EPAS1: variants seen among roughly 807,000 people sequenced by gnomAD.
EPAS1 encodes endothelial PAS domain-containing protein 1.
In EPAS1, 23 loss-of-function variants were observed where a neutral mutation model predicts 87.9. That is an observed-to-expected ratio of 0.26 (90% CI 0.19 to 0.37). The LOEUF (loss-of-function observed/expected upper bound fraction) is 0.37. Ranked by LOEUF, EPAS1 falls within the 10% of genes least tolerant of loss-of-function variation. EPAS1 has a pLI of 1.00. For missense variants in EPAS1, 1,138 were observed against 1,120.7 expected (o/e 1.02, Z -0.22); for synonymous variants, 508 against 444.3 (o/e 1.14, Z -1.80).
intron 1 of EPAS1, among the ~76,000 whole-genome samples, chr2:46,317,476 G>A (rs574233592): frequency 6.6e-6 from 1 of 152,256 alleles, no homozygotes; most frequent in South Asian, 2.1e-4. Flanking sequence ...TTGACAACGA[G>A]CACATAAACA....
chr2:46,329,674 T>G (rs1015699329), intron 1 of EPAS1, among the ~76,000 whole-genome samples: 5 of 152,024 alleles, frequency 3.3e-5, no homozygotes, highest in African/African-American at 9.7e-5. Flanking sequence ...ATACACAATT[T>G]AGCCAGGTGC....
At chr2:46,331,104 A>G (rs192421866) in intron 1 of EPAS1, among the ~76,000 whole-genome samples, 6 of 152,268 alleles carry the variant, frequency 3.9e-5, no homozygotes, top group African/African-American at 1.4e-4. Flanking sequence ...TAAGGCAGGC[A>G]CTCATAGACG....
At chr2:46,340,203 A>G (rs888661629) in intron 1 of EPAS1, among the ~76,000 whole-genome samples, 1 of 151,972 alleles carries the variant, frequency 6.6e-6, no homozygotes, top group African/African-American at 2.4e-5. Flanking sequence ...GCTCTTTTCT[A>G]CAAGGCTGCC....
At position 46,384,647 on chromosome 2, in the gene EPAS1, A is replaced by T. The variant is rs565332983; in HGVS notation, c.2600A>T (p.Asp867Val). Reference sequence around the variant, plus strand: ...GGAGGGGACCTCCTCAGAGCCCTGGACCAGGCCACCTGAGCCAGGCCTTCT... The same window carrying T: ...GGAGGGGACCTCCTCAGAGCCCTGGTCCAGGCCACCTGAGCCAGGCCTTCT... ...LQGGDLLRAL[D>V]QAT Residue 867 changes from aspartate (D) to valine (V), a missense_variant, in exon 16 of 16, where the codon GAC becomes GTC. Asp to Val is a radical substitution (Grantham distance 152). Around this residue, in one of 4 missense-constraint regions of EPAS1, gnomAD observed 502 missense variants for 427.1 expected, o/e 1.18. Coordinates refer to ENST00000263734, the MANE Select transcript of EPAS1 (RefSeq NM_001430.5). 6.2e-7 allele frequency: 1 copy of T among 1,613,772 alleles called. No individual in the cohort carries two copies. Among genetic ancestry groups the T allele is most frequent in the South Asian group, 1.1e-5 (1 of 91,078 alleles).
Position 46,377,925 on chromosome 2 carries a change from T to C in EPAS1, c.1281T>C (p.Tyr427=), listed in dbSNP as rs947956425. The change falls in exon 10 of 16, where the codon TAT becomes TAC. Residue 427 remains tyrosine, a synonymous_variant. Coordinates refer to ENST00000263734, the MANE Select transcript of EPAS1 (RefSeq NM_001430.5). ...GNQNFEESSA[Y]GKAILPPSQP... ...AGAACTTCGAGGAGTCCTCAGCCTA[T>C]GGCAAGGCCATCCTGCCCCCGAGCC... is the stretch of plus-strand genomic sequence containing the variant. 2.3e-5 allele frequency: 36 copies of C among 1,554,422 alleles called. No individual in the cohort carries two copies. Among genetic ancestry groups the C allele is most frequent in the Non-Finnish European group, 2.9e-5 (33 of 1,148,474 alleles).
At chr2:46,318,545 C>A (rs1403333155) in intron 1 of EPAS1, among the ~76,000 whole-genome samples, 3 of 152,162 alleles carry the variant, frequency 2.0e-5, no homozygotes, top group African/African-American at 7.2e-5. Flanking sequence ...GTTTCTTAAC[C>A]ATTTAACACG....
At chr2:46,361,278 G>T (rs906874059) in intron 6 of EPAS1, among the ~76,000 whole-genome samples, 188 bp downstream of exon 6, 8 of 152,140 alleles carry the variant, frequency 5.3e-5, no homozygotes, top group Admixed American at 2.0e-4. Flanking sequence ...GTATTTGGTG[G>T]TCTCCCATTG....
intron 1 of EPAS1, among the ~76,000 whole-genome samples, chr2:46,312,063 C>T (rs932454181): frequency 6.6e-6 from 1 of 152,180 alleles, no homozygotes; most frequent in African/African-American, 2.4e-5. Flanking sequence ...TGAGTTAGAT[C>T]TTCAGGGCCA....
At chr2:46,325,794 T>A (rs905238921) in intron 1 of EPAS1, among the ~76,000 whole-genome samples, 5 of 152,180 alleles carry the variant, frequency 3.3e-5, no homozygotes, top group Admixed American at 3.3e-4. Context: ...CCTATTACCA[T>A]GATGATCATT....
intron 2 of EPAS1, among the ~76,000 whole-genome samples, chr2:46,352,726 G>A (rs941687193): frequency 1.3e-5 from 2 of 152,200 alleles, no homozygotes; most frequent in African/African-American, 4.8e-5. Context: ...AGAGGGAAGA[G>A]ACCCTGTCCC....
intron 1 of EPAS1, among the ~76,000 whole-genome samples, chr2:46,335,025 C>G (rs1033192163): frequency 2.0e-5 from 3 of 152,284 alleles, no homozygotes; most frequent in South Asian, 2.1e-4. Context: ...AGATTCTCTA[C>G]CAGCTCTCTC....
rs1279034285 is a variant in EPAS1 at position 46,369,833 on chromosome 2, A to C, written c.786A>C (p.Thr262=). Residue 262 remains threonine, a synonymous_variant, in exon 7 of 16, where the codon ACA becomes ACC. Coordinates refer to ENST00000263734, the MANE Select transcript of EPAS1 (RefSeq NM_001430.5). ...MKFTYCDDRI[T]ELIGYHPEEL... is the part of the protein sequence containing the mutation. Reference sequence around the variant, plus strand: ...TGCCTTTTTAAAAACTCAGAATCACAGAACTGATTGGTTACCACCCTGAGG... The same window carrying C: ...TGCCTTTTTAAAAACTCAGAATCACCGAACTGATTGGTTACCACCCTGAGG... 1 of 1,612,342 alleles carries C rather than the reference A, an allele frequency of 6.2e-7. No homozygotes were observed. Among genetic ancestry groups the C allele is most frequent in the Non-Finnish European group, 8.5e-7 (1 of 1,179,110 alleles).
intron 6 of EPAS1, among the ~76,000 whole-genome samples, chr2:46,365,226 G>A (rs1158072199): frequency 6.6e-6 from 1 of 152,150 alleles, no homozygotes; most frequent in Non-Finnish European, 1.5e-5. Flanking sequence ...ATGTGGATAG[G>A]AGCAGTATCA....
At position 46,382,034 on chromosome 2, in the gene EPAS1, G is replaced by A. The variant is rs761353523; in HGVS notation, c.2232G>A (p.Arg744=). 1 of 1,613,976 alleles carries A rather than the reference G, an allele frequency of 6.2e-7. No individual in the cohort carries two copies. Among genetic ancestry groups the A allele is most frequent in the African/African-American group, 1.3e-5 (1 of 74,940 alleles). The change falls in exon 14 of 16, where the codon AGG becomes AGA. Residue 744 remains arginine (R), a synonymous_variant. Coordinates refer to ENST00000263734, the MANE Select transcript of EPAS1 (RefSeq NM_001430.5). ...TGTGGAAACGGATGAAGAACCTCAG[G>A]GGTGGGAGCTGCCCTTTGATGCCGG... ...HLMWKRMKNL[R]GGSCPLMPDK... is the part of the protein sequence containing the mutation.
intron 7 of EPAS1, among the ~76,000 whole-genome samples, chr2:46,373,950 C>T (rs541517490): frequency 6.6e-6 from 1 of 152,314 alleles, no homozygotes; most frequent in East Asian, 1.9e-4. Context: ...ACAACAGGCA[C>T]CCCATGGTGT....
chr2:46,363,145 C>G (rs1040179872), intron 6 of EPAS1, among the ~76,000 whole-genome samples: 5 of 152,224 alleles, frequency 3.3e-5, no homozygotes, highest in African/African-American at 1.2e-4. Flanking sequence ...GGGCAGAAGA[C>G]ACAGCTTTGT....
At position 46,382,018 on chromosome 2, in the gene EPAS1, G is replaced by T. The variant is rs1183602467; in HGVS notation, c.2216G>T (p.Arg739Leu). ...AGCACCTCACATTTGATGTGGAAACGGATGAAGAACCTCAGGGGTGGGAGC... is the reference window on the plus strand; with the variant it reads ...AGCACCTCACATTTGATGTGGAAACTGATGAAGAACCTCAGGGGTGGGAGC... The part of the protein sequence containing the change: ...GGSTSHLMWK[R>L]MKNLRGGSCP... The change falls in exon 14 of 16, where the codon CGG (arginine) becomes CTG (leucine). Residue 739 changes from arginine to leucine, a missense_variant. Around this residue, in one of 4 missense-constraint regions of EPAS1, gnomAD observed 502 missense variants for 427.1 expected, o/e 1.18. Transcript: ENST00000263734. 1 of 1,613,894 alleles carries T rather than the reference G, an allele frequency of 6.2e-7. No homozygotes were observed. Among genetic ancestry groups the T allele is most frequent in the East Asian group, 2.2e-5 (1 of 44,858 alleles).
At chr2:46,377,652 T>A (rs1325913123) in intron 9 of EPAS1, among the ~76,000 whole-genome samples, 2 of 152,204 alleles carry the variant, frequency 1.3e-5, no homozygotes, top group African/African-American at 2.4e-5. Context: ...CCTAATATAT[T>A]TAGTCTCTGA....
chr2:46,301,800 A>C (rs1306654684), intron 1 of EPAS1, among the ~76,000 whole-genome samples: 2 of 148,428 alleles, frequency 1.3e-5, no homozygotes, highest in South Asian at 2.2e-4. Flanking sequence ...GCTGCAGTAG[A>C]AGTGATGATT....
Sources: gnomAD v4.1 joint callset for allele counts (sites outside exome capture counted in the v4.1 genomes callset) on GRCh38, gnomAD v4.1.1 for gene constraint, gnomAD v4.1.1 regional missense constraint, MANE v1.5 for transcripts, NCBI Gene and HGNC (gene_info 2026-07-23, HGNC 2026-07-21) for gene names.